The following SSUH2 variants were observed in gnomAD, a reference collection of about 807,000 sequenced individuals.
SSUH2 encodes ssu-2 homolog, also known as protein SSUH2 homolog.
A neutral mutation model predicts 55.3 loss-of-function variants in SSUH2; 47 were observed. That is an observed-to-expected ratio of 0.85 (90% CI 0.67 to 1.08). The LOEUF (loss-of-function observed/expected upper bound fraction) is 1.08. Among genes scored for constraint, SSUH2 ranks in the 50% least tolerant of loss-of-function variants. The pLI is 0.00. For synonymous variants in SSUH2, 212 were observed against 191.5 expected (o/e 1.11, Z -0.89); for missense variants, 535 against 490.7 (o/e 1.09, Z -0.85).
chr3:8,626,407 T>A (rs2125114606), intron 8 of SSUH2, 86 bp from the exon 9 acceptor site: 1 of 972,646 alleles, frequency 1.0e-6, no homozygotes, highest in Non-Finnish European at 1.7e-6. Context: ...CCCTTCCTCC[T>A]GGAGGTAGAC....
At chr3:8,665,192 A>G (rs887222174) in intron 5 of SSUH2, among the ~76,000 whole-genome samples, 5 of 152,228 alleles carry the variant, frequency 3.3e-5, no homozygotes, top group Non-Finnish European at 7.3e-5. Context: ...AGAAAGAAGA[A>G]AAAGAGAAAA....
chr3:8,669,877 G>A (rs1450253562), intron 5 of SSUH2, among the ~76,000 whole-genome samples: 1 of 152,200 alleles, frequency 6.6e-6, no homozygotes, highest in African/African-American at 2.4e-5. Flanking sequence ...GGAGAACGGG[G>A]GACATGGGAC....
intron 1 of SSUH2, among the ~76,000 whole-genome samples, chr3:8,639,160 C>T (rs769441262): frequency 1.4e-4 from 22 of 152,214 alleles, no homozygotes; most frequent in African/African-American, 2.4e-4. Flanking sequence ...GTGGACGTCA[C>T]GGGGCATTGT....
rs1702672243 is a variant in SSUH2 at position 8,653,842 on chromosome 3, G to A, written c.-307+5083C>T. On this transcript the variant is annotated intron_variant, in intron 7 of 18. Coordinates refer to the SSUH2 transcript ENST00000317371. ...TCAGATCGGGAACAGAACATGACCA[G>A]ATTCTGAAGCCACTTTAGGCCACTT... is the stretch of plus-strand genomic sequence containing the variant. Among the ~76,000 whole-genome samples the A allele has an allele frequency of 2.6e-5, 4 of 152,290 alleles. No homozygotes were observed. The South Asian group carries it at 8.3e-4, about 32-fold the overall frequency.
At chr3:8,662,438 C>T (rs12485343) in intron 6 of SSUH2, among the ~76,000 whole-genome samples, 7,005 of 152,252 alleles carry the variant, frequency 0.046, 244 homozygotes, top group African/African-American at 0.091. Flanking sequence ...CAGAGTGGCA[C>T]TACTCACCCC....
At chr3:8,638,922 T>A (rs1452929712) in intron 1 of SSUH2, among the ~76,000 whole-genome samples, 1 of 152,110 alleles carries the variant, frequency 6.6e-6, no homozygotes, top group Non-Finnish European at 1.5e-5. Context: ...GGCTGCAATG[T>A]CCTGCTGGAA....
rs1703242337 is a variant in SSUH2, at chr3:8,659,279, C to T, written c.-395-266G>A. 2.6e-5 allele frequency among the ~76,000 whole-genome samples: 4 copies of T among 152,036 alleles called. No individual in the cohort carries two copies. In the South Asian group the frequency reaches 8.3e-4, roughly 32 times the overall value. On this transcript the variant is annotated intron_variant, in intron 6 of 18. Transcript: ENST00000317371. The stretch of plus-strand genomic sequence containing the variant: ...GTGTCATTTCTCCCACCTTAATTGC[C>T]TCCTCTCTTCTTTTCTCGACAAAAT...
chr3:8,637,881 T>C (rs1043406788), intron 1 of SSUH2, among the ~76,000 whole-genome samples: 2 of 152,180 alleles, frequency 1.3e-5, no homozygotes, highest in African/African-American at 4.8e-5. Context: ...GGGAGGAACC[T>C]ATTTAAAGCC....
chr3:8,654,793 G>A (rs1702770449), intron 7 of SSUH2, among the ~76,000 whole-genome samples: 1 of 151,582 alleles, frequency 6.6e-6, no homozygotes, highest in African/African-American at 2.4e-5. Flanking sequence ...ATCTCAGTGT[G>A]TGGCTTCCCC....
At chr3:8,669,808 T>C (rs1335718633) in intron 5 of SSUH2, among the ~76,000 whole-genome samples, 1 of 152,120 alleles carries the variant, frequency 6.6e-6, no homozygotes, top group African/African-American at 2.4e-5. Context: ...CCTGTACTCT[T>C]CAAGACTCTC....
chr3:8,621,139 T>C (rs1261250169), intron 11 of SSUH2, among the ~76,000 whole-genome samples: 1 of 152,222 alleles, frequency 6.6e-6, no homozygotes, highest in East Asian at 1.9e-4. Flanking sequence ...AGCTTTCTTG[T>C]GGACTTCCTG....
intron 1 of SSUH2, among the ~76,000 whole-genome samples, chr3:8,638,041 A>G (rs1408369150): frequency 6.6e-6 from 1 of 152,176 alleles, no homozygotes; most frequent in African/African-American, 2.4e-5. Context: ...CCTCGGAGTC[A>G]CGTTTGGCCC....
At chr3:8,634,204 C>G (rs749303383) in intron 3 of SSUH2, 44 of 581,784 alleles carry the variant, frequency 7.6e-5, no homozygotes, top group Non-Finnish European at 1.3e-4. Flanking sequence ...TTGACCTTAG[C>G]CAGAGGAGCT....
At chr3:8,629,279 C>G (rs549271592) in intron 7 of SSUH2, 6 of 225,848 alleles carry the variant, frequency 2.7e-5, no homozygotes, top group Non-Finnish European at 5.2e-5. Flanking sequence ...TGCTCAGCAC[C>G]CACTGCCCTG....
chr3:8,633,352 C>T (rs1699231622), intron 4 of SSUH2, among the ~76,000 whole-genome samples: 1 of 152,062 alleles, frequency 6.6e-6, no homozygotes, highest in African/African-American at 2.4e-5. Context: ...CCATGTTAGT[C>T]AGGCTGGTCT....
intron 3 of SSUH2, among the ~76,000 whole-genome samples, chr3:8,676,084 G>T (rs1337637687): frequency 6.6e-6 from 1 of 152,126 alleles, no homozygotes; most frequent in Non-Finnish European, 1.5e-5. Context: ...TGTGGTGACT[G>T]AGAGCCAGCC....
upstream of SSUH2, among the ~76,000 whole-genome samples, chr3:8,647,461 G>C (rs568784951): frequency 6.6e-6 from 1 of 152,344 alleles, no homozygotes; most frequent in South Asian, 2.1e-4. Flanking sequence ...TTCAGAGTCA[G>C]GGTAGACTGA....
rs548528182 is a variant in SSUH2 at position 8,633,483 on chromosome 3, A to G, written c.339+183T>C. On this transcript the variant is annotated intron_variant, in intron 4 of 11. Transcript: ENST00000544814. ...CCTGACACTTGTTCTTTTTATTATC[A>G]CTCACAGCCACAGACAAGTCAAGTT... Among the ~76,000 whole-genome samples, 236 of 151,882 alleles carry G rather than the reference A, an allele frequency of 1.6e-3. 1 individual carries two copies. Among genetic ancestry groups the G allele is most frequent in the Middle Eastern group, 3.4e-3 (1 of 294 alleles).
At chr3:8,662,511 T>A (rs979498717) in intron 6 of SSUH2, among the ~76,000 whole-genome samples, 1 of 151,774 alleles carries the variant, frequency 6.6e-6, no homozygotes. Context: ...ATGAACTGAG[T>A]TTTTCCTGTG....
Sources: allele counts gnomAD v4.1 joint callset (sites outside exome capture counted in the v4.1 genomes callset), GRCh38; gene constraint gnomAD v4.1.1; transcripts MANE v1.5; gene names NCBI Gene and HGNC (gene_info 2026-07-23, HGNC 2026-07-21).